TAS1R2: variants seen among roughly 807,000 people sequenced by gnomAD.
The protein encoded by TAS1R2 is taste receptor type 1 member 2.
Under a neutral mutation model 49.3 loss-of-function variants are expected in TAS1R2, and 47 were observed. The ratio of observed to expected loss-of-function variants is 0.95; its 90% CI spans 0.75 to 1.22. The LOEUF (loss-of-function observed/expected upper bound fraction) is 1.22. TAS1R2 is among the 50% of genes most tolerant of loss of function. The pLI is 0.00. For missense variants in TAS1R2, 1,155 were observed against 1,122.1 expected (o/e 1.03, Z -0.42); for synonymous variants, 479 against 467.9 (o/e 1.02, Z -0.31).
intron 3 of TAS1R2, among the ~76,000 whole-genome samples, chr1:18,852,072 T>C (rs1934038960): frequency 6.6e-6 from 1 of 152,222 alleles, no homozygotes; most frequent in African/African-American, 2.4e-5. Flanking sequence ...AGACCAGTGC[T>C]AGCAACTTGG....
chr1:18,846,639 ATAAT>A (rs1013689828), intron 4 of TAS1R2, among the ~76,000 whole-genome samples: 10 of 152,338 alleles, frequency 6.6e-5, no homozygotes, highest in African/African-American at 2.4e-4. Context: ...ACATAGTCAT[ATAAT>A]TAGTTAAGAT....
At chr1:18,842,942 A>T (rs574324203) in intron 4 of TAS1R2, among the ~76,000 whole-genome samples, 1 of 152,320 alleles carries the variant, frequency 6.6e-6, no homozygotes, top group South Asian at 2.1e-4. Context: ...ATGTTATGTT[A>T]TATGTCTTTT....
chr1:18,840,103 C>T lies in TAS1R2; in HGVS notation c.2016G>A (p.Trp672Ter). 6.2e-7 allele frequency: 1 copy of T among 1,614,206 alleles called. No individual in the cohort carries two copies. The highest frequency in any genetic ancestry group is 8.5e-7 in the Non-Finnish European group (1 of 1,180,036). The change falls in exon 6 of 6, where the codon TGG (tryptophan) becomes TGA (stop). Residue 672 changes from tryptophan to a stop codon, truncating the protein, a stop_gained. Transcript: ENST00000375371. LOFTEE classifies it low-confidence loss of function (END_TRUNC). ...AGACGTAGGGCCCCTGGTAGCGGAC[C>T]CAGTAGCTGTAGGCGCGTGGGAAGC...
intron 5 of TAS1R2, 86 bp downstream of exon 5, chr1:18,841,643 C>T: frequency 1.3e-6 from 2 of 1,516,678 alleles, no homozygotes; most frequent in Non-Finnish European, 1.8e-6. Context: ...AGAGACCCTG[C>T]CAAGGAGGAC....
At chr1:18,844,287 G>C (rs1209369181) in intron 4 of TAS1R2, among the ~76,000 whole-genome samples, 1 of 152,204 alleles carries the variant, frequency 6.6e-6, no homozygotes, top group Admixed American at 6.5e-5. Context: ...TGGCTTGGCT[G>C]GTTGTTCAGG....
chr1:18,852,608 ACGC>A (rs779265937), intron 3 of TAS1R2, among the ~76,000 whole-genome samples: 22 of 151,874 alleles, frequency 1.4e-4, no homozygotes, highest in Non-Finnish European at 2.6e-4. Flanking sequence ...TGCTCTATGA[ACGC>A]CTGCTGCCTC....
At position 18,841,147 on chromosome 1, in the gene TAS1R2, C is replaced by T. The variant is rs150450938; in HGVS notation, c.1591+582G>A. Among the ~76,000 whole-genome samples, 718 of 152,284 alleles carry T rather than the reference C, an allele frequency of 4.7e-3. 6 individuals carry two copies. Among genetic ancestry groups the T allele is most frequent in the African/African-American group, 0.015 (623 of 41,550 alleles). On this transcript the variant is annotated intron_variant, in intron 5 of 5. Coordinates refer to ENST00000375371, the Ensembl canonical transcript of TAS1R2. ...TGAAGTCATGAAAAAGAATTGAGCT[C>T]CAAACTCTGAACTGTGCTAAACACT...
Position 18,854,832 on chromosome 1 carries a change from T to A in TAS1R2, c.638A>T (p.Asp213Val), listed in dbSNP as rs1468325982. 4.4e-6 allele frequency: 7 copies of A among 1,608,298 alleles called. No homozygotes were observed. The highest frequency in any genetic ancestry group is 5.9e-6 in the Non-Finnish European group (7 of 1,179,544). Residue 213 changes from aspartate (D) to valine (V), a missense_variant, in exon 3 of 6, where the codon GAC becomes GTC. By Grantham distance (152) the Asp-to-Val change is radical (BLOSUM62 -3). Transcript: ENST00000375371. The surrounding 1 kb of genome is among the most constrained non-coding windows in gnomAD (Gnocchi z 4.9). Reference sequence around the variant, plus strand: ...CTGGCCATTGTCGCGGCCATAGGTGTCGCTGCTCACCAGCACAATGATCCA... The same window carrying A: ...CTGGCCATTGTCGCGGCCATAGGTGACGCTGCTCACCAGCACAATGATCCA...
At chr1:18,857,402 C>T in exon 2 of TAS1R2, 1 of 1,614,210 alleles carries the variant, frequency 6.2e-7, no homozygotes, top group Non-Finnish European at 8.5e-7. Flanking sequence ...GGGCCAATGA[C>T]AGCCACCACA....
chr1:18,858,716 C>T (rs1934186337), intron 1 of TAS1R2, among the ~76,000 whole-genome samples: 1 of 152,192 alleles, frequency 6.6e-6, no homozygotes, highest in African/African-American at 2.4e-5. Context: ...TTATACACCC[C>T]ACCATGATCA....
intron 3 of TAS1R2, among the ~76,000 whole-genome samples, chr1:18,852,058 A>G (rs1934038701): frequency 6.6e-6 from 1 of 152,258 alleles, no homozygotes; most frequent in South Asian, 2.1e-4. Flanking sequence ...ATCAACGCGA[A>G]GCCAGACCAG....
At chr1:18,843,420 C>A (rs537929491) in intron 4 of TAS1R2, among the ~76,000 whole-genome samples, 1 of 152,280 alleles carries the variant, frequency 6.6e-6, no homozygotes, top group Non-Finnish European at 1.5e-5. Flanking sequence ...ATAGACAAGT[C>A]ATCCACCCTA....
chr1:18,851,239 G>A (rs994052210), intron 3 of TAS1R2, among the ~76,000 whole-genome samples: 7 of 152,130 alleles, frequency 4.6e-5, no homozygotes, highest in African/African-American at 9.7e-5. Flanking sequence ...CAGTGCCGAG[G>A]GCCCCATTTG....
rs145591806 is a variant in TAS1R2 at position 18,849,353 on chromosome 1, G to A, written c.1455C>T (p.Thr485=). ...CCCCCTGGCTGACCGTGTTGTTGAT[G>A]GTGTGCCAGGAGATGTCTTGGATGT... Residue 485 remains threonine, a synonymous_variant, in exon 4 of 6, where the codon ACC becomes ACT. Coordinates refer to ENST00000375371, the Ensembl canonical transcript of TAS1R2. The A allele has an allele frequency of 1.1e-4, 175 of 1,613,980 alleles. 1 individual carries two copies. The African/African-American group carries it at 2.1e-3, about 19-fold the overall frequency.
In TAS1R2 at chr1:18,854,713, C is replaced by T. The variant is rs1473965693; in HGVS notation, c.757G>A (p.Glu253Lys). 1 of 1,613,246 alleles carries T rather than the reference C, an allele frequency of 6.2e-7. No homozygotes were observed. The highest frequency in any genetic ancestry group is 8.5e-7 in the Non-Finnish European group (1 of 1,179,904). ...ACAATGGTCACCAGGCGCTGGCGCT[C>T]CTCTGACGTCATGTTCTGGTTGGGC... The change falls in exon 3 of 6, where the codon GAG becomes AAG. Residue 253 changes from glutamate to lysine, a missense_variant. By Grantham distance (56) the Glu-to-Lys change is moderately conservative. Transcript: ENST00000375371. This position sits in a 1 kb window ranked among gnomAD's most constrained non-coding sequence, Gnocchi z 4.9.
chr1:18,854,351 G>GGCTC lies in TAS1R2; in HGVS notation c.1118_1119insGAGC (p.Phe373LeufsTer35). On this transcript the variant is annotated frameshift_variant, in exon 3 of 6. Transcript: ENST00000375371. LOFTEE classifies it high-confidence loss of function. The surrounding 1 kb of genome is among the most constrained non-coding windows in gnomAD (Gnocchi z 4.9). Reference sequence around the variant, plus strand: ...CCCCAGAGAGCCTGAGAATGGTGTTGAAGGACAAGGTGGCGTTCAGGCAGT... The same window carrying GGCTC: ...CCCCAGAGAGCCTGAGAATGGTGTTGGCTCAAGGACAAGGTGGCGTTCAGGCAGT... 1 of 1,613,900 alleles carries GGCTC rather than the reference G, an allele frequency of 6.2e-7. No homozygotes were observed. The highest frequency in any genetic ancestry group is 1.1e-5 in the South Asian group (1 of 91,032).
At chr1:18,857,484 C>T (rs370454471) in exon 2 of TAS1R2, 67 of 1,614,168 alleles carry the variant, frequency 4.2e-5, no homozygotes, top group Non-Finnish European at 5.3e-5. Flanking sequence ...AGTAGAGCAC[C>T]GGCTGGACAT....
intron 3 of TAS1R2, among the ~76,000 whole-genome samples, chr1:18,851,614 C>A (rs1934027234): frequency 6.6e-6 from 1 of 152,134 alleles, no homozygotes; most frequent in Non-Finnish European, 1.5e-5. Context: ...CAGGTGTGAG[C>A]CACCGCACCC....
At chr1:18,839,783 A>G (rs1428741040) in exon 6 of TAS1R2, 1 of 1,614,218 alleles carries the variant, frequency 6.2e-7, no homozygotes, top group Non-Finnish European at 8.5e-7. Context: ...GGCAGACATG[A>G]AGGTGCAGAG....
Sources: allele counts gnomAD v4.1 joint callset (sites outside exome capture counted in the v4.1 genomes callset), GRCh38; gene constraint gnomAD v4.1.1; non-coding constraint Gnocchi (gnomAD v3.1); transcripts MANE v1.5; gene names NCBI Gene and HGNC (gene_info 2026-07-23, HGNC 2026-07-21).